GABRB1: variants seen among roughly 807,000 people sequenced by gnomAD.
The protein encoded by GABRB1 is gamma-aminobutyric acid receptor subunit beta-1.
A neutral mutation model predicts 51.6 loss-of-function variants in GABRB1; 17 were observed. The ratio of observed to expected loss-of-function variants is 0.33; its 90% CI spans 0.23 to 0.49. The LOEUF (loss-of-function observed/expected upper bound fraction) is 0.49. GABRB1 is among the 20% of genes least tolerant of loss of function. GABRB1 has a pLI of 0.99. For synonymous variants in GABRB1, 247 were observed against 218.9 expected (o/e 1.13, Z -1.14); for missense variants, 410 against 600.6 (o/e 0.68, Z 3.32).
intron 1 of GABRB1, among the ~76,000 whole-genome samples, chr4:47,000,721 C>A (rs1399906504): frequency 6.6e-6 from 1 of 152,192 alleles, no homozygotes; most frequent in East Asian, 1.9e-4. Flanking sequence ...CCCCATCTTA[C>A]TTACTTAGCC....
At chr4:47,190,150 G>A (rs920122049) in intron 4 of GABRB1, among the ~76,000 whole-genome samples, 1 of 152,046 alleles carries the variant, frequency 6.6e-6, no homozygotes, top group African/African-American at 2.4e-5. Flanking sequence ...TACCAGGTTT[G>A]GTGAATAGAA....
chr4:47,266,426 T>C (rs1486965624), intron 4 of GABRB1, among the ~76,000 whole-genome samples: 4 of 152,282 alleles, frequency 2.6e-5, no homozygotes, highest in African/African-American at 7.2e-5. Flanking sequence ...TGGTTCCATA[T>C]ACATTTTAGG....
At chr4:47,076,344 GTCCT>G (rs1305442782) in intron 3 of GABRB1, among the ~76,000 whole-genome samples, 1 of 152,168 alleles carries the variant, frequency 6.6e-6, no homozygotes, top group Non-Finnish European at 1.5e-5. Flanking sequence ...CCAGCCAGAT[GTCCT>G]TTGGATATAC....
At chr4:47,133,237 T>C (rs185854377) in intron 3 of GABRB1, among the ~76,000 whole-genome samples, 1 of 152,300 alleles carries the variant, frequency 6.6e-6, no homozygotes, top group East Asian at 1.9e-4. Context: ...ACTCAGTGAA[T>C]GGATGATTGA....
chr4:47,068,860 C>T (rs899106979), intron 3 of GABRB1, among the ~76,000 whole-genome samples: 2 of 152,200 alleles, frequency 1.3e-5, no homozygotes, highest in Non-Finnish European at 2.9e-5. Flanking sequence ...TGCAGGCTTG[C>T]TACAAACCTT....
In GABRB1 at chr4:47,230,387, A is replaced by G. The variant is rs535745298; in HGVS notation, c.461+68918A>G. Reference sequence around the variant, plus strand: ...ATTTCTGGAAAGTGATTTGAAAAAGACCATCCAAATTCATGCACAGTAGTA... The same window carrying G: ...ATTTCTGGAAAGTGATTTGAAAAAGGCCATCCAAATTCATGCACAGTAGTA... On this transcript the variant is annotated intron_variant, in intron 4 of 8. Coordinates refer to ENST00000295454, the MANE Select transcript of GABRB1 (RefSeq NM_000812.4). Among the ~76,000 whole-genome samples the G allele has an allele frequency of 2.0e-5, 3 of 152,280 alleles. No individual in the cohort carries two copies. In the South Asian group the frequency reaches 6.2e-4, roughly 32 times the overall value.
intron 5 of GABRB1, among the ~76,000 whole-genome samples, chr4:47,371,859 T>A (rs1727210516): frequency 6.6e-6 from 1 of 152,212 alleles, no homozygotes; most frequent in Non-Finnish European, 1.5e-5. Flanking sequence ...GACGGATAGA[T>A]GGCAAAAATT....
chr4:47,123,909 T>C (rs1715988056), intron 3 of GABRB1, among the ~76,000 whole-genome samples: 2 of 56,852 alleles, frequency 3.5e-5, no homozygotes, highest in East Asian at 5.4e-4. Context: ...ATATATTATA[T>C]ATTAATATAT....
At chr4:47,133,613 C>A (rs1716515797) in intron 3 of GABRB1, among the ~76,000 whole-genome samples, 1 of 152,194 alleles carries the variant, frequency 6.6e-6, no homozygotes, top group Non-Finnish European at 1.5e-5. Context: ...ATGACCTTAA[C>A]ATTTTTAAGA....
chr4:47,323,593 G>A (rs1489601984), intron 5 of GABRB1, among the ~76,000 whole-genome samples: 4 of 152,112 alleles, frequency 2.6e-5, no homozygotes, highest in Admixed American at 6.5e-5. Flanking sequence ...AGTGTCAGTC[G>A]GGAAATAAGA....
chr4:47,362,565 CTT>C (rs910017510), intron 5 of GABRB1, among the ~76,000 whole-genome samples: 5 of 152,038 alleles, frequency 3.3e-5, no homozygotes, highest in African/African-American at 1.2e-4. Context: ...TAGGAGACTT[CTT>C]TTTTCTTTCA....
At chr4:47,248,819 G>T (rs962952458) in intron 4 of GABRB1, among the ~76,000 whole-genome samples, 1 of 151,844 alleles carries the variant, frequency 6.6e-6, no homozygotes, top group Non-Finnish European at 1.5e-5. Flanking sequence ...AGCCTTGATT[G>T]GTCTTTCGTA....
At chr4:47,285,756 T>TGTAA (rs1425380742) in intron 4 of GABRB1, among the ~76,000 whole-genome samples, 1 of 152,210 alleles carries the variant, frequency 6.6e-6, no homozygotes, top group Non-Finnish European at 1.5e-5. Flanking sequence ...TTAGCTTGAT[T>TGTAA]GTAAGTATTA....
At chr4:47,150,969 A>G (rs920926449) in intron 3 of GABRB1, among the ~76,000 whole-genome samples, 24 of 151,930 alleles carry the variant, frequency 1.6e-4, no homozygotes, top group Non-Finnish European at 3.1e-4. Flanking sequence ...GAAGGTGGCA[A>G]GAGAGATAAT....
intron 1 of GABRB1, among the ~76,000 whole-genome samples, chr4:46,997,409 T>C (rs1393819962): frequency 6.7e-6 from 1 of 150,082 alleles, no homozygotes; most frequent in African/African-American, 2.4e-5. Context: ...GATCTTATTA[T>C]ACATAACATA....
At chr4:47,103,859 A>G (rs1017129936) in intron 3 of GABRB1, among the ~76,000 whole-genome samples, 27 of 151,938 alleles carry the variant, frequency 1.8e-4, no homozygotes, top group Non-Finnish European at 1.3e-4. Context: ...TTTTGTCTGC[A>G]GTGTAAAGAA....
At chr4:47,424,957 C>T (rs112859594) in intron 8 of GABRB1, among the ~76,000 whole-genome samples, 4,050 of 152,110 alleles carry the variant, frequency 0.027, 180 homozygotes, top group African/African-American at 0.093. Flanking sequence ...ATCCTTTGAC[C>T]CATTAATCAT....
At chr4:47,352,928 A>G (rs926959045) in intron 5 of GABRB1, among the ~76,000 whole-genome samples, 5 of 152,212 alleles carry the variant, frequency 3.3e-5, no homozygotes, top group African/African-American at 1.2e-4. Context: ...GTCTGTTTTC[A>G]TGCTGCTGAT....
At chr4:47,232,394 A>T (rs756253761) in intron 4 of GABRB1, among the ~76,000 whole-genome samples, 10 of 151,968 alleles carry the variant, frequency 6.6e-5, no homozygotes, top group Non-Finnish European at 1.3e-4. Context: ...TCTTCTTTTA[A>T]TTTTATTTGC....
Sources: gnomAD v4.1 joint callset for allele counts (sites outside exome capture counted in the v4.1 genomes callset) on GRCh38, gnomAD v4.1.1 for gene constraint, MANE v1.5 for transcripts, NCBI Gene and HGNC (gene_info 2026-07-23, HGNC 2026-07-21) for gene names.